Variants in ATRNL1 observed in about 807,000 individuals in gnomAD.
ATRNL1 encodes the protein attractin-like protein 1.
ATRNL1 carries 95 observed loss-of-function variants against 182.7 expected under a neutral mutation model. The ratio of observed to expected loss-of-function variants is 0.52; its 90% CI spans 0.44 to 0.62. The LOEUF (loss-of-function observed/expected upper bound fraction) is 0.62, where lower values mean the gene tolerates loss of function less well. Among genes scored for constraint, ATRNL1 ranks in the 20% least tolerant of loss-of-function variants. The pLI, the probability that ATRNL1 is intolerant of heterozygous loss-of-function variation, is 0.00. For synonymous variants in ATRNL1, 576 were observed against 568.3 expected, an observed-to-expected ratio of 1.01 and a Z score of -0.19; for missense variants, 1,471 against 1,679.5, an observed-to-expected ratio of 0.88 and a Z score of 2.17.
At chr10:115,542,728 G>C (rs2133791419) in intron 25 of ATRNL1, among the ~76,000 whole-genome samples, 1 of 152,156 alleles carries the variant, frequency 6.6e-6, no homozygotes, top group African/African-American at 2.4e-5. Context: ...AGACTAAGTG[G>C]GTTAAACAAT....
chr10:115,342,472 A>T (rs955885950), intron 19 of ATRNL1, among the ~76,000 whole-genome samples: 1 of 152,174 alleles, frequency 6.6e-6, no homozygotes, highest in African/African-American at 2.4e-5. Flanking sequence ...GAAAACTAAT[A>T]AAAACTCTAT....
intron 28 of ATRNL1, among the ~76,000 whole-genome samples, chr10:115,934,899 A>G (rs782240583): frequency 3.9e-5 from 6 of 152,128 alleles, no homozygotes; most frequent in Admixed American, 6.5e-5. Context: ...TTTACAATGT[A>G]TGTCCTGAAG....
At chr10:115,195,655 T>C (rs1201843731) in intron 8 of ATRNL1, among the ~76,000 whole-genome samples, 7 of 152,128 alleles carry the variant, frequency 4.6e-5, no homozygotes, top group Admixed American at 3.9e-4. Context: ...TCTGGATATT[T>C]ATATCTTTCT....
intron 27 of ATRNL1, among the ~76,000 whole-genome samples, chr10:115,784,683 C>G (rs1426192153): frequency 1.3e-5 from 2 of 152,160 alleles, no homozygotes; most frequent in African/African-American, 4.8e-5. Flanking sequence ...GCTGGGCATC[C>G]TTGGTGTTCC....
intron 6 of ATRNL1, 145 bp from the exon 7 acceptor site, chr10:115,165,413 T>G (rs1025967910): frequency 4.8e-6 from 2 of 418,302 alleles, no homozygotes; most frequent in East Asian, 6.8e-5. Context: ...ATTTCTAATA[T>G]GGCACATGAA....
chr10:115,304,596 A>G (rs1554925608), intron 17 of ATRNL1, among the ~76,000 whole-genome samples: 1 of 152,180 alleles, frequency 6.6e-6, no homozygotes, highest in Non-Finnish European at 1.5e-5. Context: ...CGTACCAGGC[A>G]GGTATATGTA....
At position 115,093,528 on chromosome 10, in the gene ATRNL1, C is replaced by G. The variant is rs2084928960; in HGVS notation, c.-223C>G. ...GGGGTCGGCCCGCTAAGGACAAGGTCGGGAGACTGGGTGGCGATGCCCGAG... is the reference window on the plus strand; with the variant it reads ...GGGGTCGGCCCGCTAAGGACAAGGTGGGGAGACTGGGTGGCGATGCCCGAG... On this transcript the variant is annotated 5_prime_UTR_variant, in exon 1 of 29. Transcript: ENST00000355044. The surrounding 1 kb of genome is among the most constrained non-coding windows in gnomAD (Gnocchi z 6.1). 1 of 677,982 alleles carries G rather than the reference C, an allele frequency of 1.5e-6. No homozygotes were observed. Among genetic ancestry groups the G allele is most frequent in the Non-Finnish European group, 2.7e-6 (1 of 373,932 alleles). The allele number at this position is 677,982 out of a possible 1,614,324, so 42.0% of individuals were successfully genotyped here.
At chr10:115,906,862 T>C (rs542337811) in intron 28 of ATRNL1, among the ~76,000 whole-genome samples, 5 of 152,310 alleles carry the variant, frequency 3.3e-5, no homozygotes, top group Non-Finnish European at 5.9e-5. Context: ...AAACTACTTA[T>C]GTACCAGCGC....
chr10:115,425,096 TC>T lies in ATRNL1; in HGVS notation c.3270-1152del, dbSNP rs1381235773. 2.0e-5 allele frequency among the ~76,000 whole-genome samples: 3 copies of T among 152,174 alleles called. No homozygotes were observed. In the East Asian group the frequency reaches 5.8e-4, roughly 29 times the overall value. ...AAATTTACTCTTCAACTCATTTTTT[TC>T]CATGAATATAAAAACTAGCTAGCAC... is the stretch of plus-strand genomic sequence containing the variant. On this transcript the variant is annotated intron_variant, in intron 20 of 28. Transcript: ENST00000355044.
intron 13 of ATRNL1, among the ~76,000 whole-genome samples, chr10:115,278,983 A>G (rs1852228614): frequency 6.6e-6 from 1 of 152,004 alleles, no homozygotes; most frequent in Non-Finnish European, 1.5e-5. Context: ...CAGGTGGATC[A>G]TGAGGTCAGG....
chr10:115,646,737 G>A (rs904399167), intron 26 of ATRNL1, among the ~76,000 whole-genome samples: 2 of 151,382 alleles, frequency 1.3e-5, no homozygotes, highest in African/African-American at 2.4e-5. Context: ...ATTAGGCAGG[G>A]CATAATACTA....
chr10:115,736,281 G>A (rs1241563587), intron 27 of ATRNL1, among the ~76,000 whole-genome samples: 8 of 152,046 alleles, frequency 5.3e-5, no homozygotes, highest in African/African-American at 1.9e-4. Context: ...TATTTTAAGT[G>A]TATAAAATCT....
intron 24 of ATRNL1, among the ~76,000 whole-genome samples, chr10:115,480,836 C>T (rs1275654807): frequency 6.0e-5 from 9 of 150,998 alleles, no homozygotes; most frequent in African/African-American, 1.9e-4. Flanking sequence ...ATGCAAAATG[C>T]TCTTATCTAA....
intron 9 of ATRNL1, among the ~76,000 whole-genome samples, chr10:115,229,003 G>A (rs1356097971): frequency 2.6e-5 from 4 of 151,900 alleles, no homozygotes; most frequent in African/African-American, 9.7e-5. Flanking sequence ...CTGGCCTCAA[G>A]TGATCCACCC....
At chr10:115,533,630 T>G (rs1176517251) in intron 25 of ATRNL1, among the ~76,000 whole-genome samples, 1 of 152,156 alleles carries the variant, frequency 6.6e-6, no homozygotes, top group Non-Finnish European at 1.5e-5. Flanking sequence ...TTTAGTTATT[T>G]CTTGCCTTCT....
intron 26 of ATRNL1, among the ~76,000 whole-genome samples, chr10:115,724,178 T>G (rs1219949678): frequency 2.0e-5 from 3 of 152,212 alleles, no homozygotes; most frequent in African/African-American, 7.2e-5. Flanking sequence ...TTTCAAATTT[T>G]CTTAAGAAAA....
At chr10:115,856,428 C>CAAAAAA (rs572743389) in intron 28 of ATRNL1, among the ~76,000 whole-genome samples, 1,498 of 22,510 alleles carry the variant, frequency 0.067, 480 homozygotes, top group Middle Eastern at 0.5. Flanking sequence ...AGCTCCATCT[C>CAAAAAA]AAAAAAAAAA....
chr10:115,593,174 A>G (rs1413984424), intron 26 of ATRNL1, among the ~76,000 whole-genome samples: 5 of 152,206 alleles, frequency 3.3e-5, no homozygotes, highest in Non-Finnish European at 7.3e-5. Flanking sequence ...ACTTCCTTTT[A>G]TAATAAGCCC....
At chr10:115,543,492 A>G (rs1592825127) in intron 25 of ATRNL1, among the ~76,000 whole-genome samples, 1 of 152,198 alleles carries the variant, frequency 6.6e-6, no homozygotes, top group African/African-American at 2.4e-5. Context: ...CCCTGTTTCT[A>G]ACATTTTTCA....
Sources: allele counts gnomAD v4.1 joint callset (sites outside exome capture counted in the v4.1 genomes callset), GRCh38; gene constraint gnomAD v4.1.1; non-coding constraint Gnocchi (gnomAD v3.1); transcripts MANE v1.5; gene names NCBI Gene and HGNC (gene_info 2026-07-23, HGNC 2026-07-21).